Variants in UCK2 observed in about 807,000 individuals in gnomAD.
The protein encoded by UCK2 is uridine-cytidine kinase 2, also known as cytidine monophosphokinase 2.
In UCK2, 6 loss-of-function variants were observed where a neutral mutation model predicts 30.8. The ratio of observed to expected loss-of-function variants is 0.19; its 90% CI spans 0.11 to 0.38. The LOEUF is 0.38. Ranked by LOEUF, UCK2 falls within the 10% of genes least tolerant of loss-of-function variation. UCK2 has a pLI of 1.00. For synonymous variants in UCK2, 125 were observed against 133.6 expected, an observed-to-expected ratio of 0.94 and a Z score of 0.45; for missense variants, 210 against 339.8, an observed-to-expected ratio of 0.62 and a Z score of 3.00.
chr1:165,889,429 C>G (rs1044125174), intron 1 of UCK2, among the ~76,000 whole-genome samples: 1 of 152,208 alleles, frequency 6.6e-6, no homozygotes, highest in East Asian at 1.9e-4. Flanking sequence ...CATCACCATG[C>G]CTTCATTCTA....
At position 165,841,058 on chromosome 1, in the gene UCK2, A is replaced by T. The variant is rs541844815; in HGVS notation, c.99+13126A>T. Among the ~76,000 whole-genome samples the T allele has an allele frequency of 3.3e-5, 5 of 151,818 alleles. No homozygotes were observed. The South Asian group carries it at 1.0e-3, about 31-fold the overall frequency. ...AATATCTGTGTGACTCTAGTAACTT[A>T]GCCTTGTACAGGAGATATATATTTG... On this transcript the variant is annotated intron_variant, in intron 1 of 6. Transcript: ENST00000367879.
At chr1:165,884,526 C>G (rs1655573594) in intron 1 of UCK2, among the ~76,000 whole-genome samples, 1 of 152,058 alleles carries the variant, frequency 6.6e-6, no homozygotes, top group Admixed American at 6.5e-5. Context: ...TCTGAGCTGT[C>G]CAGGCTTGGG....
chr1:165,890,165 C>T (rs1190943196), intron 1 of UCK2, 39 bp from the exon 2 acceptor site: 2 of 1,611,406 alleles, frequency 1.2e-6, no homozygotes, highest in Non-Finnish European at 1.7e-6. Flanking sequence ...CACACGTGCC[C>T]TTTCTCTTAT....
At chr1:165,872,944 A>G (rs1053328138) in intron 1 of UCK2, among the ~76,000 whole-genome samples, 1 of 152,184 alleles carries the variant, frequency 6.6e-6, no homozygotes, top group African/African-American at 2.4e-5. Context: ...GCCTTATACT[A>G]TTTTGTACCC....
chr1:165,907,528 C>T (rs1307415283), intron 6 of UCK2, among the ~76,000 whole-genome samples, 156 bp from the exon 7 acceptor site: 1 of 152,216 alleles, frequency 6.6e-6, no homozygotes, highest in African/African-American at 2.4e-5. Context: ...GGCAGAGCCA[C>T]TGGGAAGTTG....
intron 1 of UCK2, among the ~76,000 whole-genome samples, chr1:165,828,586 G>C (rs932337727): frequency 2.0e-5 from 3 of 152,242 alleles, no homozygotes; most frequent in Non-Finnish European, 4.4e-5. Context: ...AAGGTTATAA[G>C]AGGAAACGTG....
chr1:165,840,489 C>T (rs1033553829), intron 1 of UCK2, among the ~76,000 whole-genome samples: 4 of 152,204 alleles, frequency 2.6e-5, no homozygotes, highest in African/African-American at 9.7e-5. Context: ...GAACTTGTCC[C>T]TCCAGTGTAT....
chr1:165,837,558 C>T (rs904317738), intron 1 of UCK2, among the ~76,000 whole-genome samples: 1 of 152,098 alleles, frequency 6.6e-6, no homozygotes, highest in South Asian at 2.1e-4. Context: ...TTTTTGGGGC[C>T]TCCTCTTCTA....
At chr1:165,885,317 AAAG>A in intron 1 of UCK2, 2 of 398,524 alleles carry the variant, frequency 5.0e-6, no homozygotes, top group South Asian at 1.3e-4. Context: ...CATTAGGAAA[AAAG>A]AAGACAAAGT....
At position 165,907,982 on chromosome 1, in the gene UCK2, G is replaced by A. The variant is rs1647729597; in HGVS notation, c.*159G>A. The A allele has an allele frequency of 5.5e-6, 6 of 1,098,840 alleles. No individual in the cohort carries two copies. In the East Asian group the frequency reaches 1.6e-4, roughly 30 times the overall value. The allele number at this position is 1,098,840 out of a possible 1,614,324, so 68.1% of individuals were successfully genotyped here. A position where few individuals can be genotyped will look rare whatever the true frequency, so the allele number is the denominator to read the frequency against. ...ATTTTTTTTTTCTTTTTGTACTTTG[G>A]AACGACAAAATGAAACAGAACTTGA... On this transcript the variant is annotated 3_prime_UTR_variant, in exon 7 of 7. Transcript: ENST00000367879.
At chr1:165,885,325 CA>C (rs1655591381) in intron 1 of UCK2, 1 of 398,350 alleles carries the variant, frequency 2.5e-6, no homozygotes, top group South Asian at 1.3e-4. Flanking sequence ...AAAAAGAAGA[CA>C]AAGTAATACT....
chr1:165,828,978 T>G (rs1408810898), intron 1 of UCK2, among the ~76,000 whole-genome samples: 1 of 152,062 alleles, frequency 6.6e-6, no homozygotes, highest in East Asian at 1.9e-4. Flanking sequence ...TTCTCCCGGC[T>G]GGGGAGAGCA....
intron 1 of UCK2, among the ~76,000 whole-genome samples, chr1:165,833,421 A>T (rs1654102910): frequency 6.6e-6 from 1 of 151,866 alleles, no homozygotes; most frequent in South Asian, 2.1e-4. Flanking sequence ...TTGTTCACTG[A>T]GCCATGCCTA....
intron 1 of UCK2, among the ~76,000 whole-genome samples, chr1:165,841,616 T>C (rs955197047): frequency 7.9e-5 from 12 of 152,222 alleles, no homozygotes; most frequent in African/African-American, 2.9e-4. Context: ...TGATTACTTA[T>C]AGTGTGTCAG....
intron 1 of UCK2, among the ~76,000 whole-genome samples, chr1:165,831,545 T>C (rs554349731): frequency 6.6e-6 from 1 of 152,384 alleles, no homozygotes; most frequent in African/African-American, 2.4e-5. Flanking sequence ...TTCCTTGTTC[T>C]GTAACCTCTT....
intron 3 of UCK2, chr1:165,895,834 GGA>G (rs1262320454): frequency 4.7e-6 from 1 of 213,460 alleles, no homozygotes; most frequent in African/African-American, 2.3e-5. Context: ...GAGCATTCCT[GGA>G]GACGCCTTCA....
At chr1:165,874,127 T>A (rs1173997065) in intron 1 of UCK2, among the ~76,000 whole-genome samples, 1 of 152,076 alleles carries the variant, frequency 6.6e-6, no homozygotes, top group Admixed American at 6.5e-5. Flanking sequence ...CTCTACTACT[T>A]TTATTTTAAA....
chr1:165,856,921 A>G (rs1284198105), intron 1 of UCK2, among the ~76,000 whole-genome samples: 1 of 101,586 alleles, frequency 9.8e-6, no homozygotes, highest in Admixed American at 1.1e-4. Context: ...TTTTTTTTTT[A>G]CTTTTGCGAA....
chr1:165,876,647 G>A (rs1389193533), intron 1 of UCK2, among the ~76,000 whole-genome samples: 2 of 152,170 alleles, frequency 1.3e-5, no homozygotes, highest in Non-Finnish European at 2.9e-5. Flanking sequence ...AAAGTGACAG[G>A]TGTATTAGTT....
Sources: allele counts gnomAD v4.1 joint callset (sites outside exome capture counted in the v4.1 genomes callset), GRCh38; gene constraint gnomAD v4.1.1; transcripts MANE v1.5; gene names NCBI Gene and HGNC (gene_info 2026-07-23, HGNC 2026-07-21).